DCDC1: variants seen among roughly 807,000 people sequenced by gnomAD.
DCDC1 encodes the protein doublecortin domain containing 1.
Under a neutral mutation model 178.3 loss-of-function variants are expected in DCDC1, and 200 were observed. The ratio of observed to expected loss-of-function variants is 1.12; its 90% CI spans 1.00 to 1.26. The LOEUF (loss-of-function observed/expected upper bound fraction) is 1.26, where lower values mean the gene tolerates loss of function less well. Among genes scored for constraint, DCDC1 ranks in the 50% most tolerant of loss-of-function variants. DCDC1 has a pLI of 0.00. For missense variants in DCDC1, 1,983 were observed against 1,749.2 expected (o/e 1.13, Z -2.38); for synonymous variants, 690 against 604.8 (o/e 1.14, Z -2.07).
chr11:31,215,690 G>T (rs1973460662), intron 9 of DCDC1, among the ~76,000 whole-genome samples: 1 of 151,860 alleles, frequency 6.6e-6, no homozygotes, highest in African/African-American at 2.4e-5. Context: ...CTACTCGGGA[G>T]CCTGAGGCAG....
At chr11:30,924,208 G>T (rs1946450788) in intron 23 of DCDC1, among the ~76,000 whole-genome samples, 3 of 152,122 alleles carry the variant, frequency 2.0e-5, no homozygotes, top group Admixed American at 6.6e-5. Flanking sequence ...TAGCACAGCA[G>T]ACCAAACAAA....
At chr11:31,297,270 G>T (rs2137485549) in intron 6 of DCDC1, among the ~76,000 whole-genome samples, 1 of 152,230 alleles carries the variant, frequency 6.6e-6, no homozygotes, top group South Asian at 2.1e-4. Context: ...GGACTGTAGG[G>T]TATGTGGGGC....
At chr11:31,047,324 T>C (rs954920708) in intron 20 of DCDC1, among the ~76,000 whole-genome samples, 4 of 152,184 alleles carry the variant, frequency 2.6e-5, no homozygotes, top group Admixed American at 2.6e-4. Context: ...TATTGTGTTG[T>C]CATTGTTGAA....
At chr11:31,280,949 TG>T (rs1279104977) in intron 7 of DCDC1, 5 of 635,196 alleles carry the variant, frequency 7.9e-6, no homozygotes, top group South Asian at 2.8e-5. Context: ...GGCACACTTT[TG>T]AACAAAAACT....
At chr11:31,102,013 G>A (rs1958537944) in intron 15 of DCDC1, among the ~76,000 whole-genome samples, 164 bp downstream of exon 15, 1 of 151,630 alleles carries the variant, frequency 6.6e-6, no homozygotes, top group African/African-American at 2.4e-5. Flanking sequence ...GGAGGTAGAG[G>A]CTGCAGTGAG....
chr11:31,232,153 G>A (rs1975849528), intron 9 of DCDC1, among the ~76,000 whole-genome samples: 2 of 152,188 alleles, frequency 1.3e-5, no homozygotes, highest in African/African-American at 4.8e-5. Flanking sequence ...GGATACTCTG[G>A]AGAAGACAGT....
At chr11:30,931,989 CAGA>C in intron 21 of DCDC1, 37 bp from the exon 22 acceptor site, 7 of 1,563,256 alleles carry the variant, frequency 4.5e-6, no homozygotes, top group Non-Finnish European at 6.1e-6. Flanking sequence ...ATAATAAATA[CAGA>C]AGAAGGGTCA....
chr11:31,249,376 A>C (rs1943806930), intron 8 of DCDC1, among the ~76,000 whole-genome samples: 1 of 152,176 alleles, frequency 6.6e-6, no homozygotes, highest in African/African-American at 2.4e-5. Flanking sequence ...CTGCCATTAA[A>C]ACACTTTTAA....
At chr11:31,343,503 C>T (rs1307130294) in intron 1 of DCDC1, among the ~76,000 whole-genome samples, 5 of 152,082 alleles carry the variant, frequency 3.3e-5, no homozygotes, top group Non-Finnish European at 1.5e-5. Context: ...GATGGGGTTT[C>T]TCCATGTTGG....
intron 7 of DCDC1, among the ~76,000 whole-genome samples, chr11:31,288,513 C>G (rs1252138284): frequency 2.0e-5 from 3 of 151,898 alleles, no homozygotes; most frequent in Admixed American, 6.6e-5. Context: ...AGAGTCATTT[C>G]CCCTTGGCTC....
chr11:31,125,893 C>T (rs903988839), intron 11 of DCDC1, among the ~76,000 whole-genome samples: 1 of 151,870 alleles, frequency 6.6e-6, no homozygotes. Context: ...TACAAACCTG[C>T]ACATCCTTCA....
rs1454203196 is a variant in DCDC1 at position 31,104,771 on chromosome 11, T to C, written c.1752-1002A>G. Among the ~76,000 whole-genome samples, 4 of 152,012 alleles carry C rather than the reference T, an allele frequency of 2.6e-5. No homozygotes were observed. The East Asian group carries it at 7.7e-4, about 29-fold the overall frequency. On this transcript the variant is annotated intron_variant, in intron 13 of 38. Transcript: ENST00000684477. ...AATGTCTGGAATTGCTTTCAAGCCGTTCAAGAGGGAGAGAGAGATGGGAGA... is the reference window on the plus strand; with the variant it reads ...AATGTCTGGAATTGCTTTCAAGCCGCTCAAGAGGGAGAGAGAGATGGGAGA...
Position 31,246,844 on chromosome 11 carries a change from G to A in DCDC1, c.1055-5228C>T, listed in dbSNP as rs548415115. Among the ~76,000 whole-genome samples, 17 of 152,042 alleles carry A rather than the reference G, an allele frequency of 1.1e-4. 1 individual carries two copies. Among genetic ancestry groups the A allele is most frequent in the Admixed American group, 7.9e-4 (12 of 15,238 alleles). On this transcript the variant is annotated intron_variant, in intron 8 of 38. Coordinates refer to ENST00000684477, the MANE Select transcript of DCDC1 (RefSeq NM_001387274.1). ...ATATGTCAAATCTTATTGTCCCTAA[G>A]GTACTTATGAGAAAAGATTTAGCAG...
chr11:31,192,944 A>G (rs1970289794), intron 9 of DCDC1, among the ~76,000 whole-genome samples: 1 of 152,054 alleles, frequency 6.6e-6, no homozygotes, highest in Non-Finnish European at 1.5e-5. Context: ...AAGGAAGGTA[A>G]ATTTGTTCTC....
chr11:31,099,801 C>T (rs1229153322), intron 15 of DCDC1, among the ~76,000 whole-genome samples: 2 of 151,350 alleles, frequency 1.3e-5, no homozygotes, highest in South Asian at 2.1e-4. Context: ...TCACTACAAC[C>T]TCTGCTTCCC....
chr11:30,998,537 GC>G (rs34446472), intron 20 of DCDC1, among the ~76,000 whole-genome samples: 79,348 of 151,896 alleles, frequency 0.52, 21,440 homozygotes, highest in Middle Eastern at 0.62. Flanking sequence ...TATTTTCCTT[GC>G]AAAAGAATTC....
chr11:30,908,469 T>G (rs1277276061), intron 29 of DCDC1, among the ~76,000 whole-genome samples: 3 of 152,046 alleles, frequency 2.0e-5, no homozygotes, highest in Non-Finnish European at 4.4e-5. Flanking sequence ...GAAATTTGAT[T>G]AAGGATAGAG....
intron 12 of DCDC1, among the ~76,000 whole-genome samples, chr11:31,108,000 A>G (rs1233772252): frequency 6.6e-6 from 1 of 152,098 alleles, no homozygotes; most frequent in Non-Finnish European, 1.5e-5. Flanking sequence ...CATTGAGGGT[A>G]TATTGAGAAG....
intron 36 of DCDC1, among the ~76,000 whole-genome samples, chr11:30,881,731 A>G (rs1036916780): frequency 2.0e-5 from 3 of 152,194 alleles, no homozygotes; most frequent in African/African-American, 7.2e-5. Flanking sequence ...CTTTGCTTCA[A>G]AAGAGTCTCC....
Sources: gnomAD v4.1 joint callset for allele counts (sites outside exome capture counted in the v4.1 genomes callset) on GRCh38, gnomAD v4.1.1 for gene constraint, MANE v1.5 for transcripts, NCBI Gene and HGNC (gene_info 2026-07-23, HGNC 2026-07-21) for gene names.